PNRC2: variants seen among roughly 807,000 people sequenced by gnomAD.
PNRC2 encodes the protein proline-rich nuclear receptor coactivator 2.
A neutral mutation model predicts 12.2 loss-of-function variants in PNRC2; 2 were observed. The observed-to-expected ratio is 0.16, with a 90% CI of 0.07 to 0.52. PNRC2 has a LOEUF of 0.52. PNRC2 is among the 20% of genes least tolerant of loss of function. PNRC2 has a pLI of 0.95. For synonymous variants in PNRC2, 44 were observed against 53.9 expected (o/e 0.82, Z 0.80); for missense variants, 115 against 158.4 (o/e 0.73, Z 1.47).
chr1:23,961,721 AGC>A lies in PNRC2; in HGVS notation c.265_266del (p.Ala89Ter). 1 of 1,614,042 alleles carries A rather than the reference AGC, an allele frequency of 6.2e-7. No individual in the cohort carries two copies. The highest frequency in any genetic ancestry group is 8.5e-7 in the Non-Finnish European group (1 of 1,179,868). On this transcript the variant is annotated frameshift_variant, in exon 3 of 3. Transcript: ENST00000334351. LOFTEE classifies it high-confidence loss of function. ...SGPRLLFKSQ[A>X]NQNYAGAKFS... ...GTCCCAGGTTACTTTTTAAATCTCA[AGC>A]TAATCAGAACTATGCTGGTGCCAAA... is the stretch of plus-strand genomic sequence containing the variant.
At chr1:23,959,613 T>A (rs1269919935), upstream of PNRC2, among the ~76,000 whole-genome samples, 1 of 152,122 alleles carries the variant, frequency 6.6e-6, no homozygotes. Context: ...GAGAAAGGAC[T>A]AAGACACCGG....
rs1198521593 is a variant in PNRC2 at position 23,963,077 on chromosome 1, GAT to G, written c.*1201_*1202del. The G allele has an allele frequency of 6.0e-6, 1 of 166,936 alleles. No homozygotes were observed. Among genetic ancestry groups the G allele is most frequent in the Non-Finnish European group, 1.5e-5 (1 of 68,060 alleles). 10.3% of individuals were successfully genotyped at this position (166,936 alleles called of 1,614,324 possible). Reference sequence around the variant, plus strand: ...AGGTAGTTTCGAGTATGGTGCCAGTGATGTTTTGTTTTTGTTTGGTCAAGGGG... The same window carrying G: ...AGGTAGTTTCGAGTATGGTGCCAGTGGTTTTGTTTTTGTTTGGTCAAGGGG... On this transcript the variant is annotated 3_prime_UTR_variant, in exon 3 of 3. Coordinates refer to ENST00000334351, the MANE Select transcript of PNRC2 (RefSeq NM_017761.4).
intron 1 of PNRC2, 40 bp from the exon 2 acceptor site, chr1:23,960,889 A>T (rs1422656055): frequency 5.0e-6 from 2 of 398,080 alleles, no homozygotes; most frequent in Non-Finnish European, 8.9e-6. Flanking sequence ...CACTTTCTCA[A>T]CGTGTTTTTG....
At position 23,962,465 on chromosome 1, in the gene PNRC2, C is replaced by G. The variant is rs1312767440; in HGVS notation, c.*588C>G. The stretch of plus-strand genomic sequence containing the variant: ...GATTAAGTGTCTGTCAACAAATACA[C>G]CAAAACCATTTTTTATAGAAACAGT... On this transcript the variant is annotated 3_prime_UTR_variant, in exon 3 of 3. Coordinates refer to ENST00000334351, the MANE Select transcript of PNRC2 (RefSeq NM_017761.4). 1 of 166,768 alleles carries G rather than the reference C, an allele frequency of 6.0e-6. No homozygotes were observed. Among genetic ancestry groups the G allele is most frequent in the African/African-American group, 2.4e-5 (1 of 41,266 alleles). The allele number at this position is 166,768 out of a possible 1,614,324, so 10.3% of individuals were successfully genotyped here.
Position 23,962,558 on chromosome 1 carries a change from T to C in PNRC2, c.*681T>C, listed in dbSNP as rs1641301707. Reference sequence around the variant, plus strand: ...TACAGCACTGCACAAGCTATTCTAATAGTGCTCTGGCCTCATCATTCCTGC... The same window carrying C: ...TACAGCACTGCACAAGCTATTCTAACAGTGCTCTGGCCTCATCATTCCTGC... On this transcript the variant is annotated 3_prime_UTR_variant, in exon 3 of 3. Transcript: ENST00000334351. The C allele has an allele frequency of 6.0e-6, 1 of 167,122 alleles. No homozygotes were observed. The highest frequency in any genetic ancestry group is 1.5e-5 in the Non-Finnish European group (1 of 68,134). The allele number at this position is 167,122 out of a possible 1,614,324, so 10.4% of individuals were successfully genotyped here.
Position 23,959,981 on chromosome 1 carries a change from G to C in PNRC2, c.-242G>C, listed in dbSNP as rs1641244975. On this transcript the variant is annotated 5_prime_UTR_variant, in exon 1 of 3. Transcript: ENST00000334351. The stretch of plus-strand genomic sequence containing the variant: ...TCGAGAGGGAGCCGCTGCCGCGTTA[G>C]TTCCGAGCTTGAAGTCAGTAAGTAG... 1 of 152,286 alleles carries C rather than the reference G, an allele frequency of 6.6e-6. No homozygotes were observed. The highest frequency in any genetic ancestry group is 1.5e-5 in the Non-Finnish European group (1 of 68,062). 9.4% of individuals were successfully genotyped at this position (152,286 alleles called of 1,614,324 possible).
At chr1:23,961,391 A>G (rs988577656) in intron 2 of PNRC2, 49 bp from the exon 3 acceptor site, 1 of 1,359,354 alleles carries the variant, frequency 7.4e-7, no homozygotes, top group African/African-American at 1.5e-5. Flanking sequence ...AAGATTTTGA[A>G]CTTTTCTTAA....
At chr1:23,961,279 C>G (rs1641271158) in intron 2 of PNRC2, 145 bp downstream of exon 2, 12 of 539,858 alleles carry the variant, frequency 2.2e-5, no homozygotes, top group Non-Finnish European at 3.0e-5. Flanking sequence ...ATATTGAAGT[C>G]TGAACGGCTT....
At position 23,961,452 on chromosome 1, in the gene PNRC2, C is replaced by T. The variant is rs1348102693; in HGVS notation, c.-6C>T. On this transcript the variant is annotated 5_prime_UTR_variant, in exon 3 of 3. Transcript: ENST00000334351. ...CATTCACTTGTAGGTGACAAAGAAG[C>T]TGAAGATGGGTGGTGGAGAGAGGTA... is the stretch of plus-strand genomic sequence containing the variant. The T allele has an allele frequency of 1.3e-6, 2 of 1,577,690 alleles. No individual in the cohort carries two copies. Among genetic ancestry groups the T allele is most frequent in the African/African-American group, 1.4e-5 (1 of 72,964 alleles).
rs1440042027 is a variant in PNRC2, at chr1:23,961,917, G to A, written c.*40G>A. 2 of 1,249,572 alleles carry A rather than the reference G, an allele frequency of 1.6e-6. No homozygotes were observed. Among genetic ancestry groups the A allele is most frequent in the African/African-American group, 3.0e-5 (2 of 67,046 alleles). The allele number at this position is 1,249,572 out of a possible 1,614,324, so 77.4% of individuals were successfully genotyped here. On this transcript the variant is annotated 3_prime_UTR_variant, in exon 3 of 3. Transcript: ENST00000334351. ...TTAAATTTAGTTATGTTCACGGATA[G>A]TTGTCAATTGGTCTGAAACAAATTC...
chr1:23,960,644 C>T (rs1241662158), intron 1 of PNRC2, among the ~76,000 whole-genome samples: 5 of 152,170 alleles, frequency 3.3e-5, no homozygotes. Flanking sequence ...TGATTTTATA[C>T]GCGAGAGAAT....
intron 2 of PNRC2, 135 bp downstream of exon 2, chr1:23,961,269 ATAT>A: frequency 1.9e-6 from 1 of 537,900 alleles, no homozygotes; most frequent in East Asian, 2.9e-5. Flanking sequence ...GGTTGTGCAT[ATAT>A]TGAAGTCTGA....
chr1:23,961,888 A>G lies in PNRC2; in HGVS notation c.*11A>G, dbSNP rs1641285291. On this transcript the variant is annotated 3_prime_UTR_variant, in exon 3 of 3. Transcript: ENST00000334351. ...AAAGTACAGGTATAAAATAAGACAA[A>G]TGTTTAAATTTAGTTATGTTCACGG... 1.4e-6 allele frequency: 2 copies of G among 1,479,438 alleles called. No homozygotes were observed. Among genetic ancestry groups the G allele is most frequent in the South Asian group, 1.2e-5 (1 of 82,582 alleles). 91.6% of individuals were successfully genotyped at this position (1,479,438 alleles called of 1,614,324 possible).
At chr1:23,961,393 T>C in intron 2 of PNRC2, 47 bp from the exon 3 acceptor site, 1 of 1,402,222 alleles carries the variant, frequency 7.1e-7, no homozygotes, top group Non-Finnish European at 9.7e-7. Context: ...GATTTTGAAC[T>C]TTTCTTAATG....
At position 23,963,306 on chromosome 1, in the gene PNRC2, A is replaced by G. The variant is rs1321291631; in HGVS notation, c.*1429A>G. 6.0e-6 allele frequency: 1 copy of G among 167,032 alleles called. No individual in the cohort carries two copies. The highest frequency in any genetic ancestry group is 1.9e-4 in the East Asian group (1 of 5,206). The allele number at this position is 167,032 out of a possible 1,614,324, so 10.3% of individuals were successfully genotyped here. ...GCCTAAGCAGGTAAGCAGATGCCTA[A>G]GCTGTATTTCTCCAAATAAATCAAG... On this transcript the variant is annotated 3_prime_UTR_variant, in exon 3 of 3. Transcript: ENST00000334351.
At chr1:23,960,608 A>G (rs796773947) in intron 1 of PNRC2, among the ~76,000 whole-genome samples, 11 of 152,330 alleles carry the variant, frequency 7.2e-5, no homozygotes, top group African/African-American at 2.6e-4. Context: ...CAATTTTTTG[A>G]TATGACTCAA....
rs1467350862 is a variant in PNRC2 at position 23,963,432 on chromosome 1, T to A, written c.*1555T>A. The A allele has an allele frequency of 6.0e-6, 1 of 165,896 alleles. No individual in the cohort carries two copies. The highest frequency in any genetic ancestry group is 1.5e-5 in the Non-Finnish European group (1 of 68,022). The allele number at this position is 165,896 out of a possible 1,614,324, so 10.3% of individuals were successfully genotyped here. On this transcript the variant is annotated 3_prime_UTR_variant, in exon 3 of 3. Coordinates refer to ENST00000334351, the MANE Select transcript of PNRC2 (RefSeq NM_017761.4). ...GTGAAGCATAAAATTAAATAAAATT[T>A]TTCCCCATTGGCTTGGTTTTATTTT...
At chr1:23,959,351 C>G (rs1230272767), upstream of PNRC2, 2 of 152,556 alleles carry the variant, frequency 1.3e-5, no homozygotes, top group African/African-American at 4.8e-5. Context: ...AGAGGCGACC[C>G]AGAAGCCGAG....
chr1:23,961,412 C>A, intron 2 of PNRC2, 28 bp from the exon 3 acceptor site: 1 of 1,456,684 alleles, frequency 6.9e-7, no homozygotes, highest in Non-Finnish European at 9.3e-7. Context: ...TGGAATTTTA[C>A]TCAATATTTG....
Sources: allele counts gnomAD v4.1 joint callset (sites outside exome capture counted in the v4.1 genomes callset), GRCh38; gene constraint gnomAD v4.1.1; transcripts MANE v1.5; gene names NCBI Gene and HGNC (gene_info 2026-07-23, HGNC 2026-07-21).